The following TAMM41 variants were observed in gnomAD, a reference collection of about 807,000 sequenced individuals.
TAMM41 encodes TAM41 mitochondrial translocator assembly and maintenance homolog.
Under a neutral mutation model 44.1 loss-of-function variants are expected in TAMM41, and 36 were observed. That is an observed-to-expected ratio of 0.82 (90% CI 0.63 to 1.08). The LOEUF (loss-of-function observed/expected upper bound fraction) is 1.08. Among genes scored for constraint, TAMM41 ranks in the 50% least tolerant of loss-of-function variants. The pLI is 0.00. For synonymous variants in TAMM41, 164 were observed against 153.1 expected, an observed-to-expected ratio of 1.07 and a Z score of -0.53; for missense variants, 417 against 404.3, an observed-to-expected ratio of 1.03 and a Z score of -0.27.
chr3:11,797,357 T>G (rs2133130), intron 7 of TAMM41, among the ~76,000 whole-genome samples: 65,153 of 151,994 alleles, frequency 0.43, 14,399 homozygotes, highest in Admixed American at 0.51. Flanking sequence ...CCTACAACTA[T>G]CTGATCTTTG....
At chr3:11,747,788 T>A in the TAMM41 span, among the ~76,000 whole-genome samples, 5 of 151,886 alleles carry the variant, frequency 3.3e-5, no homozygotes, top group African/African-American at 4.8e-5. Context: ...AAATAAAAAA[T>A]AAGTTATACT....
chr3:11,791,065 G>C (rs906018670), intron 7 of TAMM41, among the ~76,000 whole-genome samples: 2 of 152,158 alleles, frequency 1.3e-5, no homozygotes, highest in African/African-American at 2.4e-5. Context: ...TTCTTCTCTA[G>C]GAAGTGCTTC....
chr3:11,747,892 T>TTTTTA, the TAMM41 span, among the ~76,000 whole-genome samples: 1 of 151,134 alleles, frequency 6.6e-6, no homozygotes, highest in African/African-American at 2.4e-5. Flanking sequence ...TTTTTTTTTT[T>TTTTTA]GAGACAGGGT....
chr3:11,752,884 G>C, the TAMM41 span, among the ~76,000 whole-genome samples: 1 of 151,010 alleles, frequency 6.6e-6, no homozygotes, highest in Admixed American at 6.6e-5. Context: ...TGAACTCCTG[G>C]GCTCTAGCGA....
chr3:11,837,226 A>C (rs1057021872), intron 3 of TAMM41, among the ~76,000 whole-genome samples: 2 of 152,210 alleles, frequency 1.3e-5, no homozygotes, highest in Non-Finnish European at 2.9e-5. Flanking sequence ...GAAGCAGCAC[A>C]TCACTGTTGG....
intron 7 of TAMM41, among the ~76,000 whole-genome samples, chr3:11,794,222 G>C (rs200824038): frequency 1.3e-5 from 2 of 151,058 alleles, no homozygotes; most frequent in Non-Finnish European, 2.9e-5. Context: ...CTGGAGCCTC[G>C]ATCTTCTGGG....
chr3:11,836,855 G>A (rs1045255387), intron 3 of TAMM41, among the ~76,000 whole-genome samples: 7 of 152,238 alleles, frequency 4.6e-5, no homozygotes, highest in African/African-American at 1.7e-4. Flanking sequence ...CAACTGCTCA[G>A]TTATGAGCTT....
chr3:11,776,206 G>A, the TAMM41 span, among the ~76,000 whole-genome samples: 1 of 151,676 alleles, frequency 6.6e-6, no homozygotes, highest in Non-Finnish European at 1.5e-5. Context: ...TTTTAGTAGA[G>A]ATGGGGTTTC....
chr3:11,830,004 T>C (rs1049984241), intron 3 of TAMM41, 140 bp from the exon 4 acceptor site: 1 of 755,230 alleles, frequency 1.3e-6, no homozygotes, highest in Non-Finnish European at 2.1e-6. Context: ...CACAAAATTG[T>C]TCCTCTAATA....
Position 11,846,611 on chromosome 3 carries a change from G to A in TAMM41, c.26C>T (p.Ser9Leu), listed in dbSNP as rs755042482. 2.5e-6 allele frequency: 4 copies of A among 1,614,212 alleles called. No individual in the cohort carries two copies. Among genetic ancestry groups the A allele is most frequent in the East Asian group, 2.2e-5 (1 of 44,868 alleles). The part of the protein sequence containing the change: MALQTLQS[S>L]WVTFRKILSH... ...CAGGATCTTGCGGAAGGTCACCCAC[G>A]AGCTCTGCAGCGTCTGCAGCGCCAT... The change falls in exon 1 of 8, where the codon TCG becomes TTG. Residue 9 changes from serine to leucine, a missense_variant. Physicochemically the swap from Ser to Leu is moderately radical, Grantham distance 145. Transcript: ENST00000455809.
At chr3:11,782,705 G>A in the TAMM41 span, among the ~76,000 whole-genome samples, 1 of 152,160 alleles carries the variant, frequency 6.6e-6, no homozygotes, top group Non-Finnish European at 1.5e-5. Flanking sequence ...CTAGTTCAAA[G>A]TACTTTCACA....
chr3:11,740,721 G>A, the TAMM41 span, among the ~76,000 whole-genome samples: 45 of 151,750 alleles, frequency 3.0e-4, no homozygotes, highest in Middle Eastern at 3.4e-3. Context: ...GCCCGCCACC[G>A]CGCCCGGCTG....
the TAMM41 span, among the ~76,000 whole-genome samples, chr3:11,781,779 A>C: frequency 7.9e-4 from 32 of 40,524 alleles, no homozygotes; most frequent in East Asian, 3.2e-3. Flanking sequence ...TAATAATAAT[A>C]ATCATACAAA....
chr3:11,838,590 T>A (rs1317945075), intron 3 of TAMM41, among the ~76,000 whole-genome samples: 1 of 152,212 alleles, frequency 6.6e-6, no homozygotes, highest in Non-Finnish European at 1.5e-5. Context: ...ATGGAAGAAA[T>A]GCTTGGCAAG....
chr3:11,838,930 AG>A (rs2079306186), intron 3 of TAMM41, among the ~76,000 whole-genome samples: 1 of 152,182 alleles, frequency 6.6e-6, no homozygotes, highest in Non-Finnish European at 1.5e-5. Context: ...TACGACTGAA[AG>A]GAACTTGTTA....
At chr3:11,810,720 A>G (rs1038295720) in intron 5 of TAMM41, 3 of 152,244 alleles carry the variant, frequency 2.0e-5, no homozygotes, top group Non-Finnish European at 4.4e-5. Flanking sequence ...CTTAATAATT[A>G]GAATCCACTC....
intron 5 of TAMM41, among the ~76,000 whole-genome samples, chr3:11,811,962 C>G (rs12489061): frequency 0.54 from 81,376 of 152,040 alleles, 22,972 homozygotes; most frequent in East Asian, 0.76. Context: ...GAGTCTCGCT[C>G]TGTTGCCCAG....
chr3:11,728,237 A>G, the TAMM41 span, among the ~76,000 whole-genome samples: 4 of 152,156 alleles, frequency 2.6e-5, no homozygotes, highest in Non-Finnish European at 4.4e-5. Flanking sequence ...TGGTAATTCA[A>G]CCTATGTATT....
the TAMM41 span, among the ~76,000 whole-genome samples, chr3:11,748,227 G>A: frequency 6.8e-6 from 1 of 147,416 alleles, no homozygotes; most frequent in African/African-American, 2.6e-5. Flanking sequence ...CAGCCTCAAA[G>A]TAATTCACAT....
Sources: gnomAD v4.1 joint callset for allele counts (sites outside exome capture counted in the v4.1 genomes callset) on GRCh38, gnomAD v4.1.1 for gene constraint, MANE v1.5 for transcripts, NCBI Gene and HGNC (gene_info 2026-07-23, HGNC 2026-07-21) for gene names.